NUP210L: variants seen among roughly 807,000 people sequenced by gnomAD.
NUP210L encodes the protein nucleoporin 210 like, also known as nuclear pore membrane glycoprotein 210-like.
NUP210L carries 74 observed loss-of-function variants against 208.5 expected under a neutral mutation model. That is an observed-to-expected ratio of 0.35 (90% CI 0.29 to 0.43). NUP210L has a LOEUF of 0.43. Ranked by LOEUF, NUP210L falls within the 20% of genes least tolerant of loss-of-function variation. The pLI, the probability that NUP210L is intolerant of heterozygous loss-of-function variation, is 1.00. For missense variants in NUP210L, 1,843 were observed against 2,289.4 expected (o/e 0.81, Z 3.98); for synonymous variants, 780 against 816.9 (o/e 0.95, Z 0.77).
chr1:154,135,012 A>G (rs1485978359), intron 7 of NUP210L, among the ~76,000 whole-genome samples: 1 of 152,126 alleles, frequency 6.6e-6, no homozygotes, highest in Admixed American at 6.5e-5. Context: ...TGCTGGGATT[A>G]CATGCGTGAG....
At chr1:154,154,722 C>A (rs1659606987) in intron 1 of NUP210L, 120 bp downstream of exon 1, 1 of 774,078 alleles carries the variant, frequency 1.3e-6, no homozygotes, top group Non-Finnish European at 2.2e-6. Flanking sequence ...CCTCCCCTAC[C>A]GGCTAGGCCC....
At chr1:154,111,845 C>G (rs1016915585) in intron 12 of NUP210L, among the ~76,000 whole-genome samples, 1 of 151,756 alleles carries the variant, frequency 6.6e-6, no homozygotes, top group Non-Finnish European at 1.5e-5. Context: ...AAACAAAACA[C>G]TACAGGCCAA....
intron 35 of NUP210L, among the ~76,000 whole-genome samples, chr1:154,004,849 TC>T (rs1650419132): frequency 7.8e-6 from 1 of 127,870 alleles, no homozygotes. Flanking sequence ...TTTCTTTCTT[TC>T]TTTCTTTTTT....
At chr1:154,065,645 C>T (rs1263988459) in intron 17 of NUP210L, among the ~76,000 whole-genome samples, 1 of 151,964 alleles carries the variant, frequency 6.6e-6, no homozygotes, top group Non-Finnish European at 1.5e-5. Context: ...GTAATCCTAG[C>T]ACTTTGGGAG....
chr1:154,111,083 C>T (rs1657019882), intron 12 of NUP210L, among the ~76,000 whole-genome samples: 1 of 150,466 alleles, frequency 6.6e-6, no homozygotes, highest in South Asian at 2.1e-4. Flanking sequence ...AGAGAGATGA[C>T]CCAAATAAGT....
chr1:154,128,805 C>T (rs1658111271), intron 8 of NUP210L, among the ~76,000 whole-genome samples: 1 of 152,120 alleles, frequency 6.6e-6, no homozygotes, highest in Admixed American at 6.6e-5. Context: ...CAAGATCACA[C>T]CACTGCATTC....
intron 6 of NUP210L, among the ~76,000 whole-genome samples, chr1:154,137,447 G>A (rs1052103073): frequency 1.3e-5 from 2 of 152,026 alleles, no homozygotes; most frequent in East Asian, 3.9e-4. Context: ...AGCTACTCGG[G>A]AGGCTGAGGC....
intron 25 of NUP210L, among the ~76,000 whole-genome samples, chr1:154,046,828 G>A (rs866678529): frequency 6.6e-6 from 1 of 152,238 alleles, no homozygotes; most frequent in Non-Finnish European, 1.5e-5. Context: ...ACTTTGGGAG[G>A]CCGGGTGGAT....
intron 12 of NUP210L, among the ~76,000 whole-genome samples, chr1:154,106,191 G>A (rs1487475619): frequency 1.3e-5 from 2 of 152,098 alleles, no homozygotes; most frequent in African/African-American, 4.8e-5. Context: ...AACCCAGGAG[G>A]CAGAGGTTGC....
At chr1:154,136,367 G>A (rs941302696) in intron 6 of NUP210L, among the ~76,000 whole-genome samples, 2 of 152,028 alleles carry the variant, frequency 1.3e-5, no homozygotes, top group African/African-American at 2.4e-5. Flanking sequence ...CAGGAGAATC[G>A]CTTGAACCTG....
chr1:154,082,962 C>T (rs1039957714), intron 16 of NUP210L, among the ~76,000 whole-genome samples: 1 of 152,166 alleles, frequency 6.6e-6, no homozygotes, highest in African/African-American at 2.4e-5. Flanking sequence ...TTCATTCCTC[C>T]TGGTGGGTTT....
chr1:154,026,647 C>T (rs1032820511), intron 29 of NUP210L, among the ~76,000 whole-genome samples: 2 of 152,070 alleles, frequency 1.3e-5, no homozygotes, highest in African/African-American at 4.8e-5. Flanking sequence ...TGTGCCCAGC[C>T]CCAAATTTCT....
chr1:154,057,055 T>C (rs1653907493), intron 22 of NUP210L, 108 bp from the exon 23 acceptor site: 2 of 1,080,596 alleles, frequency 1.9e-6, no homozygotes, highest in Non-Finnish European at 2.7e-6. Flanking sequence ...CTCAGCTCAT[T>C]GCAGCCTCAA....
chr1:154,086,420 A>G (rs1370803763), intron 16 of NUP210L, among the ~76,000 whole-genome samples: 2 of 152,176 alleles, frequency 1.3e-5, no homozygotes, highest in Non-Finnish European at 2.9e-5. Flanking sequence ...TTCTTAGATT[A>G]GATATGACAC....
At chr1:154,018,637 C>T (rs1286548185) in intron 33 of NUP210L, among the ~76,000 whole-genome samples, 3 of 152,172 alleles carry the variant, frequency 2.0e-5, no homozygotes, top group African/African-American at 7.2e-5. Context: ...GATCTGCCAA[C>T]ATATGTCACC....
chr1:154,040,279 C>A (rs1284549378), intron 27 of NUP210L, among the ~76,000 whole-genome samples: 1 of 151,894 alleles, frequency 6.6e-6, no homozygotes, highest in East Asian at 1.9e-4. Flanking sequence ...GTGGTACACC[C>A]TGTAATCCCA....
chr1:154,025,721 G>A lies in NUP210L; in HGVS notation c.3948-5C>T. On this transcript the variant is annotated splice_polypyrimidine_tract_variant and splice_region_variant and intron_variant, in intron 29 of 39. Coordinates refer to ENST00000368559, the Ensembl canonical transcript of NUP210L. Reference sequence around the variant, plus strand: ...CTCACGAAGGCAGCTCCTTCCCTAGGGAACAAGGAAAGGAAGTGGCATCTT... The same window carrying A: ...CTCACGAAGGCAGCTCCTTCCCTAGAGAACAAGGAAAGGAAGTGGCATCTT... 1 of 1,609,262 alleles carries A rather than the reference G, an allele frequency of 6.2e-7. No homozygotes were observed. The highest frequency in any genetic ancestry group is 1.7e-5 in the Admixed American group (1 of 59,502).
chr1:154,060,690 T>C (rs1387478111), intron 19 of NUP210L, 49 bp from the exon 20 acceptor site: 3 of 1,251,272 alleles, frequency 2.4e-6, no homozygotes, highest in South Asian at 1.2e-5. Context: ...AGTTTATAAA[T>C]AGCTCAAAGG....
exon 28 of NUP210L, chr1:154,030,028 A>G (rs922352355): frequency 6.2e-7 from 1 of 1,608,506 alleles, no homozygotes; most frequent in African/African-American, 1.3e-5. Context: ...TGGCAAAGTT[A>G]TGCTCTACTG....
Sources: gnomAD v4.1 joint callset for allele counts (sites outside exome capture counted in the v4.1 genomes callset) on GRCh38, gnomAD v4.1.1 for gene constraint, MANE v1.5 for transcripts, NCBI Gene and HGNC (gene_info 2026-07-23, HGNC 2026-07-21) for gene names.